Variants in MATN2 observed in about 807,000 individuals in gnomAD.
MATN2 encodes matrilin-2.
A neutral mutation model predicts 103.2 loss-of-function variants in MATN2; 69 were observed. The observed-to-expected ratio is 0.67, with a 90% CI of 0.55 to 0.82. The LOEUF (loss-of-function observed/expected upper bound fraction) is 0.82. MATN2 is among the 40% of genes least tolerant of loss of function. MATN2 has a pLI of 0.00. For synonymous variants in MATN2, 429 were observed against 450.2 expected, an observed-to-expected ratio of 0.95 and a Z score of 0.60; for missense variants, 1,023 against 1,211.5, an observed-to-expected ratio of 0.84 and a Z score of 2.31.
rs1810162553 is a variant in MATN2, at chr8:97,930,935, CCT to C, written c.143-14_143-13del. ...CTGGCCTCTCTTCTAATGTATTTGACCTCTCCTCTTTCCCCAGAGAGTTCCTG... is the reference window on the plus strand; with the variant it reads ...CTGGCCTCTCTTCTAATGTATTTGACCTCCTCTTTCCCCAGAGAGTTCCTG... On this transcript the variant is annotated splice_polypyrimidine_tract_variant and intron_variant, in intron 2 of 18. Coordinates refer to ENST00000254898, the MANE Select transcript of MATN2 (RefSeq NM_002380.5). 2.5e-6 allele frequency: 4 copies of C among 1,574,982 alleles called. No homozygotes were observed. Among genetic ancestry groups the C allele is most frequent in the African/African-American group, 1.3e-5 (1 of 74,392 alleles).
chr8:97,957,743 C>T (rs1338137050), intron 4 of MATN2, among the ~76,000 whole-genome samples: 1 of 152,202 alleles, frequency 6.6e-6, no homozygotes, highest in Non-Finnish European at 1.5e-5. Flanking sequence ...GATCTGGGCA[C>T]CTTCCCCAGG....
chr8:97,995,775 G>A (rs532022385), intron 7 of MATN2, among the ~76,000 whole-genome samples: 1 of 152,228 alleles, frequency 6.6e-6, no homozygotes, highest in Non-Finnish European at 1.5e-5. Flanking sequence ...AGTGGCAGAT[G>A]GTTGCAAATC....
chr8:97,921,152 A>G (rs973974687), intron 2 of MATN2, among the ~76,000 whole-genome samples: 1 of 152,202 alleles, frequency 6.6e-6, no homozygotes, highest in Admixed American at 6.5e-5. Context: ...TACTCAGCTT[A>G]TTAACAGTTC....
At chr8:97,945,735 T>TATATATATAA (rs1412286321) in intron 4 of MATN2, among the ~76,000 whole-genome samples, 10 of 147,060 alleles carry the variant, frequency 6.8e-5, no homozygotes, top group African/African-American at 2.3e-4. Flanking sequence ...TATATATATA[T>TATATATATAA]AATCTCCCCA....
intron 6 of MATN2, among the ~76,000 whole-genome samples, chr8:97,987,168 C>T (rs1394966946): frequency 6.6e-6 from 1 of 152,110 alleles, no homozygotes; most frequent in African/African-American, 2.4e-5. Flanking sequence ...GGAATCTCTA[C>T]ATTGCTTTCC....
intron 1 of MATN2, among the ~76,000 whole-genome samples, chr8:97,884,642 G>A (rs914735333): frequency 2.6e-5 from 4 of 151,976 alleles, no homozygotes; most frequent in South Asian, 2.1e-4. Flanking sequence ...ATGGTGTGGC[G>A]CACCGGTAGT....
intron 5 of MATN2, among the ~76,000 whole-genome samples, chr8:97,977,097 G>A (rs1811859986): frequency 1.3e-5 from 2 of 151,826 alleles, no homozygotes. Context: ...TTAGCCAGAT[G>A]TGGTGGCGCA....
intron 13 of MATN2, among the ~76,000 whole-genome samples, chr8:98,025,961 T>G (rs1368763423): frequency 6.6e-6 from 1 of 151,598 alleles, no homozygotes. Context: ...GTGAATCGCC[T>G]GAGGTCAGGA....
intron 6 of MATN2, among the ~76,000 whole-genome samples, chr8:97,994,172 AAAG>A (rs1563713889): frequency 7.2e-6 from 1 of 138,836 alleles, no homozygotes; most frequent in Non-Finnish European, 1.6e-5. Flanking sequence ...GAAAAGAGGG[AAAG>A]AAGAGGAGGA....
intron 6 of MATN2, among the ~76,000 whole-genome samples, chr8:97,986,540 C>T (rs1334955009): frequency 6.6e-6 from 1 of 152,208 alleles, no homozygotes; most frequent in Non-Finnish European, 1.5e-5. Flanking sequence ...ATTTGGTTTT[C>T]CATTCCTGAG....
intron 6 of MATN2, among the ~76,000 whole-genome samples, chr8:97,993,259 T>C (rs546016113): frequency 6.6e-6 from 1 of 152,326 alleles, no homozygotes; most frequent in Admixed American, 6.5e-5. Flanking sequence ...GACTGGGAAC[T>C]CTCATTTATA....
intron 3 of MATN2, among the ~76,000 whole-genome samples, chr8:97,932,180 T>A (rs1810221825): frequency 6.6e-6 from 1 of 152,112 alleles, no homozygotes; most frequent in Non-Finnish European, 1.5e-5. Flanking sequence ...GAAGAGTAGA[T>A]AGACAGAGTT....
chr8:97,947,075 A>G (rs1292025972), intron 4 of MATN2, among the ~76,000 whole-genome samples: 2 of 152,216 alleles, frequency 1.3e-5, no homozygotes, highest in Non-Finnish European at 2.9e-5. Context: ...ATCAATCAAT[A>G]TAATTAATCA....
chr8:97,907,181 G>A (rs901547589), intron 2 of MATN2, among the ~76,000 whole-genome samples: 5 of 150,028 alleles, frequency 3.3e-5, no homozygotes, highest in Non-Finnish European at 3.0e-5. Flanking sequence ...TTGTATTTTT[G>A]GTAGAGACGG....
At chr8:97,963,940 A>G (rs911947361) in intron 5 of MATN2, among the ~76,000 whole-genome samples, 1 of 152,222 alleles carries the variant, frequency 6.6e-6, no homozygotes, top group African/African-American at 2.4e-5. Context: ...CAATAGGGCT[A>G]TGGTGAGTAC....
intron 13 of MATN2, among the ~76,000 whole-genome samples, chr8:98,026,201 T>C (rs1451868904): frequency 8.8e-6 from 1 of 113,740 alleles, no homozygotes. Context: ...AAAAAAAAAA[T>C]GCCTGAAAAG....
chr8:97,899,409 A>G (rs1818914670), intron 2 of MATN2, among the ~76,000 whole-genome samples: 1 of 152,210 alleles, frequency 6.6e-6, no homozygotes, highest in South Asian at 2.1e-4. Context: ...TAGGGCTGCT[A>G]TAACAATATA....
intron 2 of MATN2, among the ~76,000 whole-genome samples, chr8:97,902,537 A>G (rs1041534942): frequency 6.6e-6 from 1 of 151,930 alleles, no homozygotes; most frequent in African/African-American, 2.4e-5. Context: ...AAAGAAAAAA[A>G]GCAAAAAGTG....
intron 12 of MATN2, 119 bp downstream of exon 12, chr8:98,018,235 T>G: frequency 7.5e-7 from 1 of 1,330,936 alleles, no homozygotes; most frequent in South Asian, 1.3e-5. Flanking sequence ...AGTTCCTGCC[T>G]TGGGTGCTCT....
Sources: gnomAD v4.1 joint callset for allele counts (sites outside exome capture counted in the v4.1 genomes callset) on GRCh38, gnomAD v4.1.1 for gene constraint, MANE v1.5 for transcripts, NCBI Gene and HGNC (gene_info 2026-07-23, HGNC 2026-07-21) for gene names.